MAF: variants seen among roughly 807,000 people sequenced by gnomAD.
The protein encoded by MAF is transcription factor Maf.
A neutral mutation model predicts 22.0 loss-of-function variants in MAF; 10 were observed. The ratio of observed to expected loss-of-function variants is 0.45; its 90% confidence interval spans 0.28 to 0.77. MAF has a LOEUF of 0.77. Ranked by LOEUF, MAF falls within the 30% of genes least tolerant of loss-of-function variation. MAF has a pLI of 0.12. For missense variants in MAF, 544 were observed against 548.4 expected, an observed-to-expected ratio of 0.99 and a Z score of 0.08; for synonymous variants, 337 against 255.8, an observed-to-expected ratio of 1.32 and a Z score of -3.03.
chr16:79,208,909 C>A, the MAF span, among the ~76,000 whole-genome samples: 11 of 152,262 alleles, frequency 7.2e-5, no homozygotes, highest in African/African-American at 2.4e-4. Context: ...CTTAATTGTC[C>A]AGCAAGGGAG....
At chr16:79,528,073 T>C in the MAF span, among the ~76,000 whole-genome samples, 1 of 151,868 alleles carries the variant, frequency 6.6e-6, no homozygotes, top group Non-Finnish European at 1.5e-5. Context: ...ACCTGGGAGG[T>C]GGAGGTTGCA....
chr16:79,501,560 T>C, the MAF span, among the ~76,000 whole-genome samples: 2 of 152,108 alleles, frequency 1.3e-5, no homozygotes, highest in East Asian at 1.9e-4. Context: ...CTAAGTTAAT[T>C]TTCCTGATTG....
the MAF span, among the ~76,000 whole-genome samples, chr16:79,433,059 C>T: frequency 2.0e-5 from 3 of 152,102 alleles, no homozygotes; most frequent in Non-Finnish European, 2.9e-5. Context: ...CCCCACAGCA[C>T]GTCCACATCA....
At chr16:79,212,235 G>A in the MAF span, 1 of 1,368,574 alleles carries the variant, frequency 7.3e-7, no homozygotes, top group South Asian at 1.5e-5. Context: ...ACTGCTCCTT[G>A]CTGCATTGAT....
the MAF span, among the ~76,000 whole-genome samples, chr16:79,316,705 A>G: frequency 6.6e-6 from 1 of 152,146 alleles, no homozygotes; most frequent in African/African-American, 2.4e-5. Context: ...ATGAGGGGTC[A>G]GGGGTCTTAT....
At chr16:79,468,569 T>C in the MAF span, among the ~76,000 whole-genome samples, 3 of 152,178 alleles carry the variant, frequency 2.0e-5, no homozygotes, top group South Asian at 4.1e-4. Context: ...AGCCCCAGCA[T>C]GCTGCAGCCT....
the MAF span, among the ~76,000 whole-genome samples, chr16:79,355,252 TAG>T: frequency 6.6e-6 from 1 of 152,188 alleles, no homozygotes; most frequent in African/African-American, 2.4e-5. Context: ...ATTCTTAAAA[TAG>T]AGTCTTATCT....
At chr16:79,580,384 C>T in the MAF span, among the ~76,000 whole-genome samples, 3 of 152,352 alleles carry the variant, frequency 2.0e-5, no homozygotes, top group Admixed American at 2.0e-4. Context: ...CCAAACTGCA[C>T]ATGCTGACTA....
the MAF span, among the ~76,000 whole-genome samples, chr16:79,412,600 T>A: frequency 6.6e-6 from 1 of 152,226 alleles, no homozygotes; most frequent in Non-Finnish European, 1.5e-5. Flanking sequence ...AGCACCTCCC[T>A]CTCAAGTTGT....
At chr16:79,438,314 C>A in the MAF span, among the ~76,000 whole-genome samples, 3 of 152,114 alleles carry the variant, frequency 2.0e-5, no homozygotes, top group African/African-American at 7.2e-5. Context: ...CAGAGGCACC[C>A]GTTTGGAGGT....
chr16:79,543,067 C>T, the MAF span, among the ~76,000 whole-genome samples: 3 of 152,204 alleles, frequency 2.0e-5, no homozygotes, highest in Non-Finnish European at 2.9e-5. Context: ...AATGTTAAGC[C>T]TTTTAAAAGC....
At chr16:79,475,021 C>A in the MAF span, among the ~76,000 whole-genome samples, 1 of 152,228 alleles carries the variant, frequency 6.6e-6, no homozygotes, top group Non-Finnish European at 1.5e-5. Flanking sequence ...TTCTGTCTAT[C>A]GCTAACAGTA....
At chr16:79,315,405 T>A in the MAF span, among the ~76,000 whole-genome samples, 32 of 152,324 alleles carry the variant, frequency 2.1e-4, no homozygotes, top group African/African-American at 7.5e-4. Context: ...ATCTATTGAT[T>A]ATACAAATTT....
At chr16:79,332,092 C>T in the MAF span, among the ~76,000 whole-genome samples, 11 of 152,092 alleles carry the variant, frequency 7.2e-5, no homozygotes, top group Admixed American at 5.2e-4. Flanking sequence ...ATGTTAGGTA[C>T]TCGATAAACA....
the MAF span, among the ~76,000 whole-genome samples, chr16:79,580,816 GA>G: frequency 0.81 from 120,940 of 149,826 alleles, 52,170 homozygotes; most frequent in Non-Finnish European, 0.96. Context: ...TTTAAAAGGA[GA>G]AAAAAAAAAA....
At chr16:79,246,292 T>C in the MAF span, among the ~76,000 whole-genome samples, 1 of 152,116 alleles carries the variant, frequency 6.6e-6, no homozygotes, top group Non-Finnish European at 1.5e-5. Flanking sequence ...ACTGTCTAAA[T>C]TTAGAAAAAG....
At chr16:79,480,868 T>C in the MAF span, among the ~76,000 whole-genome samples, 1 of 152,154 alleles carries the variant, frequency 6.6e-6, no homozygotes. Context: ...GATAGGACCG[T>C]GGGACTGGGC....
At chr16:79,559,632 T>C in the MAF span, among the ~76,000 whole-genome samples, 1 of 150,268 alleles carries the variant, frequency 6.7e-6, no homozygotes, top group Non-Finnish European at 1.5e-5. Context: ...TTACTAGATG[T>C]TCATAAAAAA....
chr16:79,211,909 A>C, the MAF span: 1 of 1,549,600 alleles, frequency 6.5e-7, no homozygotes, highest in African/African-American at 1.4e-5. Flanking sequence ...GCAAGAGTAA[A>C]GGAAATAAGA....
Sources: allele counts gnomAD v4.1 joint callset (sites outside exome capture counted in the v4.1 genomes callset), GRCh38; gene constraint gnomAD v4.1.1; transcripts MANE v1.5; gene names NCBI Gene and HGNC (gene_info 2026-07-23, HGNC 2026-07-21).